The following KCNH7 variants were observed in gnomAD, a reference collection of about 807,000 sequenced individuals.
The protein encoded by KCNH7 is potassium voltage-gated channel subfamily H member 7.
In KCNH7, 49 loss-of-function variants were observed where a neutral mutation model predicts 120.8. That is an observed-to-expected ratio of 0.41 (90% CI 0.32 to 0.51). The LOEUF (loss-of-function observed/expected upper bound fraction) is 0.51. KCNH7 is among the 20% of genes least tolerant of loss of function. The pLI is 0.38. For synonymous variants in KCNH7, 547 were observed against 516.1 expected (o/e 1.06, Z -0.81); for missense variants, 1,097 against 1,446.6 (o/e 0.76, Z 3.92).
At chr2:162,747,660 T>C (rs1306334442) in intron 2 of KCNH7, among the ~76,000 whole-genome samples, 1 of 152,078 alleles carries the variant, frequency 6.6e-6, no homozygotes, top group Admixed American at 6.5e-5. Context: ...ACCAGATAAA[T>C]TGAATTTAAA....
intron 6 of KCNH7, among the ~76,000 whole-genome samples, chr2:162,489,621 A>G (rs1361482671): frequency 1.3e-5 from 2 of 152,244 alleles, no homozygotes; most frequent in Admixed American, 6.5e-5. Flanking sequence ...ATGTTTTTAT[A>G]TCAGCCAGAG....
chr2:162,783,971 G>A (rs1294251414), intron 2 of KCNH7, among the ~76,000 whole-genome samples: 1 of 151,960 alleles, frequency 6.6e-6, no homozygotes, highest in African/African-American at 2.4e-5. Flanking sequence ...GCAGTTCAAA[G>A]AGCTAATTAC....
chr2:162,597,735 G>A (rs1694424420), intron 2 of KCNH7, among the ~76,000 whole-genome samples: 1 of 152,036 alleles, frequency 6.6e-6, no homozygotes, highest in African/African-American at 2.4e-5. Context: ...TATGTAAGGT[G>A]ATGAATAAGT....
chr2:162,650,038 G>T (rs1344695907), intron 2 of KCNH7, among the ~76,000 whole-genome samples: 1 of 152,126 alleles, frequency 6.6e-6, no homozygotes, highest in African/African-American at 2.4e-5. Flanking sequence ...AAGCTACAGA[G>T]TTTGACCTTT....
In KCNH7 at chr2:162,517,641, G is replaced by C. The variant is rs1003986600; in HGVS notation, c.892+89C>G. ...ATCACATTTCTTTCCCCAATGCACA[G>C]AGATTATTGTTGAAATTTCAAACAA... On this transcript the variant is annotated intron_variant, in intron 4 of 15. Transcript: ENST00000332142. The C allele has an allele frequency of 4.5e-6, 5 of 1,122,878 alleles. No homozygotes were observed. The African/African-American group carries it at 4.8e-5, about 11-fold the overall frequency. 69.6% of individuals were successfully genotyped at this position (1,122,878 alleles called of 1,614,324 possible).
intron 2 of KCNH7, among the ~76,000 whole-genome samples, chr2:162,720,873 T>C (rs1687302521): frequency 6.6e-6 from 1 of 152,172 alleles, no homozygotes; most frequent in African/African-American, 2.4e-5. Flanking sequence ...TCCTCATTTT[T>C]TGTGCTAATC....
At chr2:162,758,107 T>C (rs1688848739) in intron 2 of KCNH7, among the ~76,000 whole-genome samples, 2 of 152,174 alleles carry the variant, frequency 1.3e-5, no homozygotes, top group Non-Finnish European at 2.9e-5. Flanking sequence ...GGATCTGTTG[T>C]CGCTAAAACA....
Position 162,394,472 on chromosome 2 carries a change from C to T in KCNH7, c.2627G>A (p.Arg876Gln), listed in dbSNP as rs375588527. The T allele has an allele frequency of 2.5e-5, 40 of 1,596,106 alleles. No individual in the cohort carries two copies. The Admixed American group carries it at 3.5e-4, about 14-fold the overall frequency. The change falls in exon 12 of 16, where the codon CGA becomes CAA. Residue 876 changes from arginine to glutamine, a missense_variant. Transcript: ENST00000332142. ...TTCTGAATCATTCATGGATTGTGAT[C>T]GTAGGAGATCAGCCTTTGTTAATGG... ...RHESAKADLL[R>Q]SQSMNDSEGD...
chr2:162,429,997 G>A (rs1443904448), intron 8 of KCNH7, among the ~76,000 whole-genome samples: 1 of 150,796 alleles, frequency 6.6e-6, no homozygotes, highest in Middle Eastern at 3.5e-3. Flanking sequence ...ATTTTAAATA[G>A]ATATTGGGCA....
chr2:162,392,047 C>A (rs1337689706), intron 12 of KCNH7, among the ~76,000 whole-genome samples: 1 of 151,956 alleles, frequency 6.6e-6, no homozygotes, highest in East Asian at 1.9e-4. Context: ...ATCAACCATT[C>A]TTTGCTAAAG....
intron 2 of KCNH7, among the ~76,000 whole-genome samples, chr2:162,808,294 A>G (rs1393682079): frequency 6.6e-6 from 1 of 152,222 alleles, no homozygotes; most frequent in Non-Finnish European, 1.5e-5. Context: ...AGGCAGAACC[A>G]GGGGATAGGA....
chr2:162,603,075 T>C (rs1366154185), intron 2 of KCNH7, among the ~76,000 whole-genome samples: 1 of 151,566 alleles, frequency 6.6e-6, no homozygotes, highest in African/African-American at 2.4e-5. Flanking sequence ...ACCAAACAGG[T>C]GAAGATTACG....
At chr2:162,377,702 T>A (rs1213286793) in intron 14 of KCNH7, among the ~76,000 whole-genome samples, 1 of 152,082 alleles carries the variant, frequency 6.6e-6, no homozygotes, top group Non-Finnish European at 1.5e-5. Context: ...TTCCTGGCCC[T>A]CCCCAGCTCT....
At chr2:162,573,951 A>T (rs1402348534) in intron 2 of KCNH7, among the ~76,000 whole-genome samples, 1 of 152,030 alleles carries the variant, frequency 6.6e-6, no homozygotes, top group African/African-American at 2.4e-5. Flanking sequence ...AAAATCACGA[A>T]TATGTTATAA....
At chr2:162,387,137 T>C (rs1686598109) in intron 12 of KCNH7, among the ~76,000 whole-genome samples, 1 of 150,538 alleles carries the variant, frequency 6.6e-6, no homozygotes, top group African/African-American at 2.4e-5. Context: ...AAAACCCACC[T>C]TTATTTCTGT....
At chr2:162,624,272 T>C (rs1424646827) in intron 2 of KCNH7, among the ~76,000 whole-genome samples, 2 of 152,214 alleles carry the variant, frequency 1.3e-5, no homozygotes, top group African/African-American at 4.8e-5. Context: ...GGGTAACCAT[T>C]TTATCATCAC....
chr2:162,777,304 A>G (rs1375196205), intron 2 of KCNH7, among the ~76,000 whole-genome samples: 2 of 152,140 alleles, frequency 1.3e-5, no homozygotes, highest in Non-Finnish European at 2.9e-5. Context: ...CATCATCTCT[A>G]CATTACTTAT....
chr2:162,387,439 C>G (rs569618247), intron 12 of KCNH7, among the ~76,000 whole-genome samples: 1 of 151,292 alleles, frequency 6.6e-6, no homozygotes, highest in Non-Finnish European at 1.5e-5. Context: ...TTGCCTTTTT[C>G]CAGTTAAACT....
intron 2 of KCNH7, among the ~76,000 whole-genome samples, chr2:162,743,389 A>T (rs1006670490): frequency 1.3e-5 from 2 of 152,212 alleles, no homozygotes; most frequent in African/African-American, 4.8e-5. Flanking sequence ...AAAATAAAAG[A>T]TGAATGCATT....
Sources: allele counts gnomAD v4.1 joint callset (sites outside exome capture counted in the v4.1 genomes callset), GRCh38; gene constraint gnomAD v4.1.1; transcripts MANE v1.5; gene names NCBI Gene and HGNC (gene_info 2026-07-23, HGNC 2026-07-21).